Variants in MYO5A observed in about 807,000 individuals in gnomAD.
MYO5A encodes the protein myosin VA.
A neutral mutation model predicts 249.7 loss-of-function variants in MYO5A; 98 were observed. The observed-to-expected ratio is 0.39, with a 90% CI of 0.33 to 0.46. The LOEUF (loss-of-function observed/expected upper bound fraction) is 0.46, where lower values mean the gene tolerates loss of function less well. Ranked by LOEUF, MYO5A falls within the 20% of genes least tolerant of loss-of-function variation. The pLI, the probability that MYO5A is intolerant of heterozygous loss-of-function variation, is 0.98. For missense variants in MYO5A, 1,696 were observed against 2,308.8 expected (o/e 0.73, Z 5.44); for synonymous variants, 778 against 810.6 (o/e 0.96, Z 0.68).
intron 20 of MYO5A, among the ~76,000 whole-genome samples, 182 bp downstream of exon 20, chr15:52,375,122 G>A (rs1317685708): frequency 1.3e-5 from 2 of 152,052 alleles, no homozygotes; most frequent in Non-Finnish European, 2.9e-5. Context: ...CCCAGCCAGG[G>A]TGACAGAGCG....
chr15:52,364,918 T>C (rs1301574874), intron 23 of MYO5A, among the ~76,000 whole-genome samples: 6 of 152,240 alleles, frequency 3.9e-5, no homozygotes, highest in Non-Finnish European at 8.8e-5. Flanking sequence ...AGTTATTCCA[T>C]GTACTCTGGC....
intron 4 of MYO5A, among the ~76,000 whole-genome samples, chr15:52,418,374 A>T (rs560963541): frequency 6.6e-6 from 1 of 152,206 alleles, no homozygotes; most frequent in African/African-American, 2.4e-5. Context: ...AGCAGCTACA[A>T]TGTGCTAATC....
Position 52,340,190 on chromosome 15 carries a change from C to T in MYO5A, c.4239+6G>A, listed in dbSNP as rs1394812346. On this transcript the variant is annotated splice_donor_region_variant and intron_variant, in intron 32 of 41. Transcript: ENST00000399233. Reference sequence around the variant, plus strand: ...AGAAGCATGTGGACCCGGCAGCTCTCCTTACCAAGTTTTCGTTGGTCAGCC... The same window carrying T: ...AGAAGCATGTGGACCCGGCAGCTCTTCTTACCAAGTTTTCGTTGGTCAGCC... 6.2e-7 allele frequency: 1 copy of T among 1,614,136 alleles called. No individual in the cohort carries two copies. Among genetic ancestry groups the T allele is most frequent in the South Asian group, 1.1e-5 (1 of 91,070 alleles).
intron 1 of MYO5A, among the ~76,000 whole-genome samples, chr15:52,494,408 G>C (rs2076997003): frequency 1.3e-5 from 2 of 152,072 alleles, no homozygotes; most frequent in South Asian, 4.1e-4. Flanking sequence ...ATTTAGTATT[G>C]GGTTACAAAT....
rs149900752 is a variant in MYO5A at position 52,492,258 on chromosome 15, T to C, written c.27+36522A>G. 4.7e-3 allele frequency among the ~76,000 whole-genome samples: 716 copies of C among 152,214 alleles called. 2 individuals are homozygous for C. Among genetic ancestry groups the C allele is most frequent in the Non-Finnish European group, 8.0e-3 (544 of 68,012 alleles). On this transcript the variant is annotated intron_variant, in intron 1 of 41. Coordinates refer to ENST00000399233, the MANE Select transcript of MYO5A (RefSeq NM_001382347.1). ...ATATAACTGTACTCGTGGCCAAGAT[T>C]TATTACAGCAAAAAGACACGGAGCA...
chr15:52,382,986 AT>A (rs1225573301), intron 16 of MYO5A, 104 bp downstream of exon 16: 28 of 993,680 alleles, frequency 2.8e-5, no homozygotes, highest in East Asian at 7.3e-5. Context: ...TTACCCAAAT[AT>A]TTTTTTCCTT....
At chr15:52,473,519 T>C (rs1260387727) in intron 1 of MYO5A, among the ~76,000 whole-genome samples, 1 of 152,236 alleles carries the variant, frequency 6.6e-6, no homozygotes, top group Non-Finnish European at 1.5e-5. Flanking sequence ...AGGGTTTTTA[T>C]GGTTTTAGGT....
intron 14 of MYO5A, among the ~76,000 whole-genome samples, chr15:52,387,316 G>A (rs2042011392): frequency 6.6e-6 from 1 of 152,046 alleles, no homozygotes; most frequent in Non-Finnish European, 1.5e-5. Context: ...AAGTGCTTTG[G>A]GCCACACCTG....
Position 52,410,588 on chromosome 15 carries a change from A to ATTTT in MYO5A, c.613-116_613-113dup, listed in dbSNP as rs5812605. 0.081 allele frequency: 53,891 copies of ATTTT among 663,416 alleles called. 1,571 individuals carry two copies. The highest frequency in any genetic ancestry group is 0.096 in the Admixed American group (3,337 of 34,618). 41.1% of individuals were successfully genotyped at this position (663,416 alleles called of 1,614,324 possible). A position where few individuals can be genotyped will look rare whatever the true frequency, so the allele number is the denominator to read the frequency against. On this transcript the variant is annotated intron_variant, in intron 5 of 41. Coordinates refer to ENST00000399233, the MANE Select transcript of MYO5A (RefSeq NM_001382347.1). ...AGTAGAACACAGGTCCTTAAAATTG[A>ATTTT]TTTTTTTTTTTTTTTTTGAGACAGA...
intron 24 of MYO5A, among the ~76,000 whole-genome samples, chr15:52,361,330 T>C (rs1341178533): frequency 6.6e-6 from 1 of 152,198 alleles, no homozygotes; most frequent in Non-Finnish European, 1.5e-5. Flanking sequence ...GAAAACCAGG[T>C]AGTCCAGATA....
chr15:52,381,163 C>T (rs1013477443), intron 16 of MYO5A, among the ~76,000 whole-genome samples: 24 of 134,604 alleles, frequency 1.8e-4, no homozygotes, highest in Non-Finnish European at 2.9e-4. Context: ...ATCCGGGCCT[C>T]CCCTGTGCTA....
chr15:52,319,482 C>A, intron 38 of MYO5A, 140 bp from the exon 39 acceptor site: 1 of 936,274 alleles, frequency 1.1e-6, no homozygotes, highest in Non-Finnish European at 1.7e-6. Context: ...AATCCCAGCA[C>A]TTTGGGAGGC....
At chr15:52,527,316 A>C (rs2077746249) in intron 1 of MYO5A, among the ~76,000 whole-genome samples, 1 of 152,236 alleles carries the variant, frequency 6.6e-6, no homozygotes, top group Non-Finnish European at 1.5e-5. Flanking sequence ...GGCACATAGC[A>C]AGCACCATAT....
chr15:52,527,954 G>T (rs1196581753), intron 1 of MYO5A, among the ~76,000 whole-genome samples: 2 of 152,166 alleles, frequency 1.3e-5, no homozygotes, highest in African/African-American at 4.8e-5. Flanking sequence ...TATTCACAAA[G>T]GTCATCACAA....
chr15:52,522,466 G>C (rs1193872038), intron 1 of MYO5A, among the ~76,000 whole-genome samples: 1 of 152,180 alleles, frequency 6.6e-6, no homozygotes, highest in Non-Finnish European at 1.5e-5. Flanking sequence ...ATGCCTTCAG[G>C]TGAGGTGGAA....
chr15:52,425,777 A>G, intron 4 of MYO5A, 53 bp downstream of exon 4: 8 of 1,593,722 alleles, frequency 5.0e-6, no homozygotes, highest in Non-Finnish European at 6.9e-6. Flanking sequence ...TAGCAAGAAG[A>G]AATTATCATA....
chr15:52,527,097 G>A (rs1293498234), intron 1 of MYO5A, among the ~76,000 whole-genome samples: 1 of 152,194 alleles, frequency 6.6e-6, no homozygotes, highest in African/African-American at 2.4e-5. Flanking sequence ...ATTCAAAGCC[G>A]TCCTGGGCCC....
intron 15 of MYO5A, among the ~76,000 whole-genome samples, chr15:52,383,872 T>C (rs1192834960): frequency 6.6e-6 from 1 of 152,092 alleles, no homozygotes; most frequent in East Asian, 1.9e-4. Flanking sequence ...TGTACAAATA[T>C]AGAGACAAAA....
chr15:52,351,653 C>G (rs775767718), intron 27 of MYO5A, among the ~76,000 whole-genome samples, 172 bp from the exon 28 acceptor site: 1 of 152,194 alleles, frequency 6.6e-6, no homozygotes, highest in Non-Finnish European at 1.5e-5. Context: ...TTAAGGAAGT[C>G]TGACATCAAG....
Sources: allele counts gnomAD v4.1 joint callset (sites outside exome capture counted in the v4.1 genomes callset), GRCh38; gene constraint gnomAD v4.1.1; transcripts MANE v1.5; gene names NCBI Gene and HGNC (gene_info 2026-07-23, HGNC 2026-07-21).